NEURL1B: variants seen among roughly 807,000 people sequenced by gnomAD.
NEURL1B encodes neuralized E3 ubiquitin protein ligase 1B.
In NEURL1B, 13 loss-of-function variants were observed where a neutral mutation model predicts 37.4. That is an observed-to-expected ratio of 0.35 (90% CI 0.23 to 0.55). The LOEUF is 0.55. NEURL1B is among the 20% of genes least tolerant of loss of function. The pLI is 0.89. For missense variants in NEURL1B, 790 were observed against 879.2 expected (o/e 0.90, Z 1.28); for synonymous variants, 432 against 426.6 (o/e 1.01, Z -0.16).
In NEURL1B at chr5:172,665,063, T is replaced by C. The variant is rs1757984373; in HGVS notation, c.32-4722T>C. Among the ~76,000 whole-genome samples, 1 of 152,238 alleles carries C rather than the reference T, an allele frequency of 6.6e-6. No homozygotes were observed. Among genetic ancestry groups the C allele is most frequent in the Non-Finnish European group, 1.5e-5 (1 of 68,042 alleles). ...ACATCTCTTGGGATTCCCAAGCCCT[T>C]CTGTAAAGAAACTCTCTGACTGAGA... On this transcript the variant is annotated intron_variant, in intron 1 of 4. Transcript: ENST00000369800. This position sits in a 1 kb window ranked among gnomAD's most constrained non-coding sequence, Gnocchi z 4.1.
Position 172,641,576 on chromosome 5 carries a change from G to A in NEURL1B, c.31+139G>A. On this transcript the variant is annotated intron_variant, in intron 1 of 4. Transcript: ENST00000369800. This position sits in a 1 kb window ranked among gnomAD's most constrained non-coding sequence, Gnocchi z 6.4. Reference sequence around the variant, plus strand: ...GGGCTGGAGTCTCCGGTACCTCCCGGACCTCAGCTCGGCGCGCGCCCCGCG... The same window carrying A: ...GGGCTGGAGTCTCCGGTACCTCCCGAACCTCAGCTCGGCGCGCGCCCCGCG... The A allele has an allele frequency of 4.2e-6, 3 of 713,602 alleles. No individual in the cohort carries two copies. In the East Asian group the frequency reaches 1.0e-4, roughly 25 times the overall value. The allele number at this position is 713,602 out of a possible 1,614,324, so 44.2% of individuals were successfully genotyped here. A position where few individuals can be genotyped will look rare whatever the true frequency, so the allele number is the denominator to read the frequency against.
In NEURL1B at chr5:172,669,826, T is replaced by A; in HGVS notation, c.73T>A (p.Cys25Ser). 1 of 1,320,936 alleles carries A rather than the reference T, an allele frequency of 7.6e-7. No homozygotes were observed. Among genetic ancestry groups the A allele is most frequent in the Non-Finnish European group, 9.7e-7 (1 of 1,029,736 alleles). The allele number at this position is 1,320,936 out of a possible 1,614,324, so 81.8% of individuals were successfully genotyped here. The change falls in exon 2 of 5, where the codon TGC (cysteine) becomes AGC (serine). Residue 25 changes from cysteine (C) to serine (S), a missense_variant. Around this residue, in one of 3 missense-constraint regions of NEURL1B, gnomAD observed 215 missense variants for 309.2 expected, o/e 0.70. Coordinates refer to ENST00000369800, the MANE Select transcript of NEURL1B (RefSeq NM_001142651.3). ...PARLLATRPC[C>S]GPGPERRPVL... ...GCGCCTCCTGGCCACCCGGCCGTGC[T>A]GCGGCCCCGGCCCCGAGCGACGCCC...
intron 1 of NEURL1B, among the ~76,000 whole-genome samples, chr5:172,646,760 C>CT (rs924366672): frequency 6.6e-6 from 1 of 152,050 alleles, no homozygotes; most frequent in African/African-American, 2.4e-5. Flanking sequence ...GAGGTGCGCT[C>CT]TGTCTAGCTG....
chr5:172,680,166 G>A (rs1369390007), intron 2 of NEURL1B, among the ~76,000 whole-genome samples: 1 of 152,264 alleles, frequency 6.6e-6, no homozygotes. Flanking sequence ...GCCATGCTCT[G>A]TATTACTCTT....
intron 3 of NEURL1B, among the ~76,000 whole-genome samples, chr5:172,685,221 T>C (rs567787407): frequency 6.6e-6 from 1 of 152,284 alleles, no homozygotes; most frequent in South Asian, 2.1e-4. Flanking sequence ...GGCCTGACAC[T>C]GGTTTAATCA....
intron 2 of NEURL1B, among the ~76,000 whole-genome samples, chr5:172,682,771 A>G (rs2113330280): frequency 6.6e-6 from 1 of 152,232 alleles, no homozygotes; most frequent in East Asian, 1.9e-4. Context: ...CAGACTCTAG[A>G]GCCAGACAGC....
At position 172,690,287 on chromosome 5, in the gene NEURL1B, C is replaced by T. The variant is rs1259865686; in HGVS notation, c.*3362C>T. The T allele has an allele frequency of 6.6e-6, 1 of 152,234 alleles. No individual in the cohort carries two copies. Among genetic ancestry groups the T allele is most frequent in the Non-Finnish European group, 1.5e-5 (1 of 68,050 alleles). 9.4% of individuals were successfully genotyped at this position (152,234 alleles called of 1,614,324 possible). A position where few individuals can be genotyped will look rare whatever the true frequency, so the allele number is the denominator to read the frequency against. ...GGGAGTCCCCTGGGATGGAGCTGCT[C>T]CCCTCACGGCAGCACCACGTTTCCA... On this transcript the variant is annotated 3_prime_UTR_variant, in exon 5 of 5. Transcript: ENST00000369800.
chr5:172,686,796 G>A lies in NEURL1B; in HGVS notation c.1539G>A (p.Thr513=), dbSNP rs764582826. 1.2e-5 allele frequency: 19 copies of A among 1,551,898 alleles called. No individual in the cohort carries two copies. The highest frequency in any genetic ancestry group is 9.6e-6 in the Non-Finnish European group (11 of 1,147,372). The change falls in exon 5 of 5, where the codon ACG becomes ACA. Residue 513 remains threonine (T), a synonymous_variant. Coordinates refer to ENST00000369800, the MANE Select transcript of NEURL1B (RefSeq NM_001142651.3). The surrounding 1 kb of genome is among the most constrained non-coding windows in gnomAD (Gnocchi z 7.9). ...CTVCFDGEVD[T]VIYTCGHMCL... ...TGTGCTTCGATGGCGAGGTGGACAC[G>A]GTCATCTACACGTGTGGACACATGT...
rs745920329 is a variant in NEURL1B at position 172,688,086 on chromosome 5, C to G, written c.*1161C>G. On this transcript the variant is annotated 3_prime_UTR_variant, in exon 5 of 5. Transcript: ENST00000369800. This position sits in a 1 kb window ranked among gnomAD's most constrained non-coding sequence, Gnocchi z 4.3. ...ACTGGGATTCTCTCCCTTCCCAGAC[C>G]TACCTGCTGGTATTTCCTGGGACCT... 1 of 152,752 alleles carries G rather than the reference C, an allele frequency of 6.5e-6. No individual in the cohort carries two copies. Among genetic ancestry groups the G allele is most frequent in the African/African-American group, 2.4e-5 (1 of 41,452 alleles). 9.5% of individuals were successfully genotyped at this position (152,752 alleles called of 1,614,324 possible).
In NEURL1B at chr5:172,670,337, C is replaced by T. The variant is rs113056284; in HGVS notation, c.577+7C>T. 582 of 1,347,178 alleles carry T rather than the reference C, an allele frequency of 4.3e-4. 2 individuals are homozygous for T. In the African/African-American group the frequency reaches 8.1e-3, roughly 19 times the overall value. The allele number at this position is 1,347,178 out of a possible 1,614,324, so 83.5% of individuals were successfully genotyped here. On this transcript the variant is annotated splice_region_variant and intron_variant, in intron 2 of 4. Transcript: ENST00000369800. ...GACGAGGTGCAGCTTCTGGGTAGGTCGCGGGCGCGGCGCCCCCTGGGGACC... is the reference window on the plus strand; with the variant it reads ...GACGAGGTGCAGCTTCTGGGTAGGTTGCGGGCGCGGCGCCCCCTGGGGACC...
chr5:172,682,725 C>T (rs944617763), intron 2 of NEURL1B, among the ~76,000 whole-genome samples: 1 of 152,232 alleles, frequency 6.6e-6, no homozygotes, highest in African/African-American at 2.4e-5. Flanking sequence ...GACCCAGGTC[C>T]TCCCTTCTTT....
intron 1 of NEURL1B, among the ~76,000 whole-genome samples, chr5:172,652,569 G>A (rs903473866): frequency 6.6e-6 from 1 of 152,200 alleles, no homozygotes; most frequent in Non-Finnish European, 1.5e-5. Context: ...TCCACAGAAC[G>A]TTGGACCAAC....
chr5:172,675,748 A>C lies in NEURL1B; in HGVS notation c.577+5418A>C, dbSNP rs1478474329. On this transcript the variant is annotated intron_variant, in intron 2 of 4. Transcript: ENST00000369800. The surrounding 1 kb of genome is among the most constrained non-coding windows in gnomAD (Gnocchi z 4.7). ...TTTTGGATTTTGGAATATTTGTATT[A>C]TAGTTAACATTTCAGCATCACTAAT... Among the ~76,000 whole-genome samples, 1 of 152,196 alleles carries C rather than the reference A, an allele frequency of 6.6e-6. No individual in the cohort carries two copies. Among genetic ancestry groups the C allele is most frequent in the African/African-American group, 2.4e-5 (1 of 41,436 alleles).
At chr5:172,653,427 A>C (rs1757705234) in intron 1 of NEURL1B, among the ~76,000 whole-genome samples, 1 of 152,200 alleles carries the variant, frequency 6.6e-6, no homozygotes, top group South Asian at 2.1e-4. Flanking sequence ...GTAGACATTT[A>C]ATTTTTAATG....
At position 172,670,027 on chromosome 5, in the gene NEURL1B, G is replaced by C; in HGVS notation, c.274G>C (p.Gly92Arg). Residue 92 changes from glycine (G) to arginine (R), a missense_variant, in exon 2 of 5, where the codon GGC (glycine) becomes CGC (arginine). Gly to Arg is a moderately radical substitution (Grantham distance 125). Around this residue, in one of 3 missense-constraint regions of NEURL1B, gnomAD observed 215 missense variants for 309.2 expected, o/e 0.70. Coordinates refer to ENST00000369800, the MANE Select transcript of NEURL1B (RefSeq NM_001142651.3). ...GCTGCGCCTGGTGGCCGTGCGCCCT[G>C]GCTGGAGCGGCGCGCTGCGCTTCGG... ...VRLRLVAVRP[G>R]WSGALRFGFT... is the part of the protein sequence containing the mutation. The C allele has an allele frequency of 6.7e-7, 1 of 1,499,232 alleles. No individual in the cohort carries two copies. The highest frequency in any genetic ancestry group is 8.8e-7 in the Non-Finnish European group (1 of 1,130,778). The allele number at this position is 1,499,232 out of a possible 1,614,324, so 92.9% of individuals were successfully genotyped here. A position where few individuals can be genotyped will look rare whatever the true frequency, so the allele number is the denominator to read the frequency against.
rs556917109 is a variant in NEURL1B, at chr5:172,659,401, C to T, written c.32-10384C>T. Among the ~76,000 whole-genome samples, 20 of 152,226 alleles carry T rather than the reference C, an allele frequency of 1.3e-4. No individual in the cohort carries two copies. The South Asian group carries it at 2.1e-3, about 16-fold the overall frequency. On this transcript the variant is annotated intron_variant, in intron 1 of 4. Transcript: ENST00000369800. ...TCCTCAAGGCAAAGAGAAGGAGAAA[C>T]GGTAGGCCTGGCAACCTCAGCCAGC...
At chr5:172,679,666 G>A (rs932575154) in intron 2 of NEURL1B, among the ~76,000 whole-genome samples, 6 of 152,236 alleles carry the variant, frequency 3.9e-5, no homozygotes, top group Non-Finnish European at 7.3e-5. Context: ...AGGGGCTGCC[G>A]TGTGCCAGGT....
chr5:172,691,038 A>C lies in NEURL1B; in HGVS notation c.*4113A>C, dbSNP rs1758644335. On this transcript the variant is annotated 3_prime_UTR_variant, in exon 5 of 5. Transcript: ENST00000369800. Reference sequence around the variant, plus strand: ...ATGCGGCCTCCTGGCATTTCTCGGTATTTAACTGTCTCGCTGTCTTATCCG... The same window carrying C: ...ATGCGGCCTCCTGGCATTTCTCGGTCTTTAACTGTCTCGCTGTCTTATCCG... The C allele has an allele frequency of 6.6e-6, 1 of 152,186 alleles. No individual in the cohort carries two copies. Among genetic ancestry groups the C allele is most frequent in the Non-Finnish European group, 1.5e-5 (1 of 68,050 alleles). 9.4% of individuals were successfully genotyped at this position (152,186 alleles called of 1,614,324 possible).
intron 1 of NEURL1B, among the ~76,000 whole-genome samples, chr5:172,668,273 T>A (rs148896651): frequency 6.6e-6 from 1 of 152,272 alleles, no homozygotes; most frequent in Admixed American, 6.5e-5. Flanking sequence ...GACACTCCCT[T>A]CATATGTGTT....
Sources: allele counts gnomAD v4.1 joint callset (sites outside exome capture counted in the v4.1 genomes callset), GRCh38; gene constraint gnomAD v4.1.1; regional missense constraint gnomAD v4.1.1; non-coding constraint Gnocchi (gnomAD v3.1); transcripts MANE v1.5; gene names NCBI Gene and HGNC (gene_info 2026-07-23, HGNC 2026-07-21).